The following ATP11A variants were observed in gnomAD, a reference collection of about 807,000 sequenced individuals.
The protein encoded by ATP11A is phospholipid-transporting ATPase IH.
A neutral mutation model predicts 154.4 loss-of-function variants in ATP11A; 81 were observed. The observed-to-expected ratio is 0.52, with a 90% CI of 0.44 to 0.63. The LOEUF is 0.63. Ranked by LOEUF, ATP11A falls within the 30% of genes least tolerant of loss-of-function variation. The pLI, the probability that ATP11A is intolerant of heterozygous loss-of-function variation, is 0.00. For synonymous variants in ATP11A, 623 were observed against 585.9 expected (o/e 1.06, Z -0.91); for missense variants, 1,316 against 1,474.3 (o/e 0.89, Z 1.76).
chr13:112,777,102 C>T (rs987340080), intron 1 of ATP11A, among the ~76,000 whole-genome samples: 1 of 152,154 alleles, frequency 6.6e-6, no homozygotes, highest in Non-Finnish European at 1.5e-5. Context: ...AAATTTTCCT[C>T]GACCACTGAA....
Position 112,859,579 on chromosome 13 carries a change from T to G in ATP11A, c.2727+127T>G. 73 of 710,662 alleles carry G rather than the reference T, an allele frequency of 1.0e-4. No homozygotes were observed. Among genetic ancestry groups the G allele is most frequent in the East Asian group, 3.9e-4 (12 of 30,468 alleles). The allele number at this position is 710,662 out of a possible 1,614,324, so 44.0% of individuals were successfully genotyped here. A position where few individuals can be genotyped will look rare whatever the true frequency, so the allele number is the denominator to read the frequency against. On this transcript the variant is annotated intron_variant, in intron 23 of 29. Coordinates refer to ENST00000375645, the MANE Select transcript of ATP11A (RefSeq NM_015205.3). This position sits in a 1 kb window ranked among gnomAD's most constrained non-coding sequence, Gnocchi z 4.3. ...CCCCGGCACCACGAGGGAGCCAGGG[T>G]GCCCAGCAGCAGGCGGGGGTGAAGG...
chr13:112,704,368 G>C (rs780545757), intron 1 of ATP11A, among the ~76,000 whole-genome samples: 1 of 152,214 alleles, frequency 6.6e-6, no homozygotes, highest in Non-Finnish European at 1.5e-5. Context: ...GGTACTTTGC[G>C]CTCTCTTTCA....
rs569877077 is a variant in ATP11A, at chr13:112,842,991, G to A, written c.1809+612G>A. Among the ~76,000 whole-genome samples, 12 of 152,254 alleles carry A rather than the reference G, an allele frequency of 7.9e-5. 1 individual carries two copies. The highest frequency in any genetic ancestry group is 1.6e-4 in the Non-Finnish European group (11 of 68,040). ...GCAGGGCCTCCCCTCCCCGTCAGACGCGCTAAAGCCGGGCAACACGTGGCT... is the reference window on the plus strand; with the variant it reads ...GCAGGGCCTCCCCTCCCCGTCAGACACGCTAAAGCCGGGCAACACGTGGCT... On this transcript the variant is annotated intron_variant, in intron 17 of 29. Transcript: ENST00000375645.
At chr13:112,828,662 C>T (rs1274751771) in intron 12 of ATP11A, among the ~76,000 whole-genome samples, 1 of 152,242 alleles carries the variant, frequency 6.6e-6, no homozygotes, top group Non-Finnish European at 1.5e-5. Context: ...TTCAGTCCAT[C>T]TCCTTGGAGT....
intron 1 of ATP11A, among the ~76,000 whole-genome samples, chr13:112,757,012 T>C (rs1443422984): frequency 2.6e-5 from 4 of 152,274 alleles, no homozygotes; most frequent in Admixed American, 6.5e-5. Flanking sequence ...ATTAGCTTTC[T>C]GTGGATTTAG....
chr13:112,765,291 C>T (rs866815199), intron 1 of ATP11A, among the ~76,000 whole-genome samples: 47 of 152,222 alleles, frequency 3.1e-4, no homozygotes, highest in South Asian at 2.1e-4. Flanking sequence ...GTTGTTCTGA[C>T]GGCCAGGCCC....
At chr13:112,820,538 A>ACAGCGACCCTCAGACACCT (rs2078771512) in intron 8 of ATP11A, among the ~76,000 whole-genome samples, 1 of 152,288 alleles carries the variant, frequency 6.6e-6, no homozygotes, top group South Asian at 2.1e-4. Context: ...CCATGAGGAA[A>ACAGCGACCCTCAGACACCT]CAGCGACCCT....
intron 1 of ATP11A, among the ~76,000 whole-genome samples, chr13:112,704,832 G>A (rs954498443): frequency 4.6e-5 from 7 of 152,236 alleles, no homozygotes; most frequent in Admixed American, 3.3e-4. Flanking sequence ...GGGACAATGA[G>A]GTCCTGCCAG....
Position 112,746,907 on chromosome 13 carries a change from T to C in ATP11A, c.40-38228T>C, listed in dbSNP as rs1892229879. ...TTTTCATCTCCTTATTAGACCTTCTTGCTACAAATGTCTATTGAGGTTCTT... is the reference window on the plus strand; with the variant it reads ...TTTTCATCTCCTTATTAGACCTTCTCGCTACAAATGTCTATTGAGGTTCTT... On this transcript the variant is annotated intron_variant, in intron 1 of 29. Transcript: ENST00000375645. This position sits in a 1 kb window ranked among gnomAD's most constrained non-coding sequence, Gnocchi z 4.1. 6.6e-6 allele frequency: 1 copy of C among 152,120 alleles called. No homozygotes were observed. Among genetic ancestry groups the C allele is most frequent in the Non-Finnish European group, 1.5e-5 (1 of 68,030 alleles). The allele number at this position is 152,120 out of a possible 1,614,324, so 9.4% of individuals were successfully genotyped here.
intron 16 of ATP11A, among the ~76,000 whole-genome samples, chr13:112,841,844 C>G (rs2079430076): frequency 6.6e-6 from 1 of 152,256 alleles, no homozygotes; most frequent in African/African-American, 2.4e-5. Flanking sequence ...CCTGACTCTT[C>G]CAAGTTCAGA....
At chr13:112,727,521 C>A (rs1389683041) in intron 1 of ATP11A, among the ~76,000 whole-genome samples, 1 of 151,916 alleles carries the variant, frequency 6.6e-6, no homozygotes, top group Admixed American at 6.6e-5. Flanking sequence ...AATTTAAAAT[C>A]TAATGGGAGC....
intron 4 of ATP11A, among the ~76,000 whole-genome samples, chr13:112,809,565 G>A (rs531244491): frequency 1.4e-4 from 22 of 152,202 alleles, no homozygotes; most frequent in Admixed American, 4.6e-4. Context: ...CACACATGCA[G>A]TGGGCCCGTG....
chr13:112,762,244 A>G (rs950808272), intron 1 of ATP11A, among the ~76,000 whole-genome samples: 27 of 151,990 alleles, frequency 1.8e-4, no homozygotes, highest in African/African-American at 5.8e-4. Flanking sequence ...CTGGCCTCCT[A>G]TCACAGCGAG....
At chr13:112,824,492 A>G in intron 10 of ATP11A, 67 bp downstream of exon 10, 1 of 1,473,486 alleles carries the variant, frequency 6.8e-7, no homozygotes, top group Non-Finnish European at 9.5e-7. Context: ...AAATGGAAGT[A>G]GCTTCCTCTT....
chr13:112,846,253 C>G lies in ATP11A; in HGVS notation c.1809+3874C>G, dbSNP rs562084104. Among the ~76,000 whole-genome samples, 9 of 152,286 alleles carry G rather than the reference C, an allele frequency of 5.9e-5. No homozygotes were observed. The South Asian group carries it at 1.5e-3, about 25-fold the overall frequency. Reference sequence around the variant, plus strand: ...TCTACAGATATTTTTCTTCCTTGCTCCCTTTCAGCAGTTCCAGGACCCATG... The same window carrying G: ...TCTACAGATATTTTTCTTCCTTGCTGCCTTTCAGCAGTTCCAGGACCCATG... On this transcript the variant is annotated intron_variant, in intron 17 of 29. Transcript: ENST00000375645.
chr13:112,866,613 G>A (rs1335223719), intron 25 of ATP11A, among the ~76,000 whole-genome samples: 2 of 52,744 alleles, frequency 3.8e-5, no homozygotes, highest in African/African-American at 1.1e-4. Flanking sequence ...CGCTGACCTC[G>A]GAGAAAGTCC....
intron 1 of ATP11A, among the ~76,000 whole-genome samples, chr13:112,750,753 C>T (rs569744565): frequency 2.3e-4 from 35 of 152,338 alleles, no homozygotes; most frequent in African/African-American, 6.7e-4. Context: ...CCTTTGAGTT[C>T]GGGGAAGGTT....
At position 112,762,382 on chromosome 13, in the gene ATP11A, C is replaced by T. The variant is rs117196661; in HGVS notation, c.40-22753C>T. Among the ~76,000 whole-genome samples, 104 of 152,166 alleles carry T rather than the reference C, an allele frequency of 6.8e-4. No homozygotes were observed. In the East Asian group the frequency reaches 0.017, roughly 25 times the overall value. ...GAGTATGAGCTGGGACCTGAAAGGC[C>T]GCTGTTGGAAAGACAGCAGCAGCCT... On this transcript the variant is annotated intron_variant, in intron 1 of 29. Coordinates refer to ENST00000375645, the MANE Select transcript of ATP11A (RefSeq NM_015205.3).
Position 112,831,468 on chromosome 13 carries a change from C to A in ATP11A, c.1315C>A (p.His439Asn), listed in dbSNP as rs748339172. 6.2e-7 allele frequency: 1 copy of A among 1,614,194 alleles called. No homozygotes were observed. The highest frequency in any genetic ancestry group is 8.5e-7 in the Non-Finnish European group (1 of 1,180,042). Reference sequence around the variant, plus strand: ...CATCGAAGGCCATGTCTACGTGCCCCACGTCATCTGCAACGGGCAGGTCCT... The same window carrying A: ...CATCGAAGGCCATGTCTACGTGCCCAACGTCATCTGCAACGGGCAGGTCCT... ...CCIEGHVYVP[H>N]VICNGQVLPE... Residue 439 changes from histidine to asparagine, a missense_variant, in exon 13 of 30, where the codon CAC (histidine) becomes AAC (asparagine). Around this residue, in one of 5 missense-constraint regions of ATP11A, gnomAD observed 876 missense variants for 1,006.8 expected, o/e 0.87. Coordinates refer to ENST00000375645, the MANE Select transcript of ATP11A (RefSeq NM_015205.3).
Sources: gnomAD v4.1 joint callset for allele counts (sites outside exome capture counted in the v4.1 genomes callset) on GRCh38, gnomAD v4.1.1 for gene constraint, gnomAD v4.1.1 regional missense constraint, Gnocchi (gnomAD v3.1) non-coding constraint, MANE v1.5 for transcripts, NCBI Gene and HGNC (gene_info 2026-07-23, HGNC 2026-07-21) for gene names.